Variants in GNB5 observed in about 807,000 individuals in gnomAD.
GNB5 encodes G protein subunit beta 5.
GNB5 carries 37 observed loss-of-function variants against 55.3 expected under a neutral mutation model. The ratio of observed to expected loss-of-function variants is 0.67; its 90% CI spans 0.51 to 0.88. The LOEUF (loss-of-function observed/expected upper bound fraction) is 0.88. GNB5 is among the 40% of genes least tolerant of loss of function. The probability of loss-of-function intolerance (pLI) is 0.00; values close to 1 mark genes in which losing one functional copy is unlikely to be tolerated. For missense variants in GNB5, 476 were observed against 515.3 expected (o/e 0.92, Z 0.74); for synonymous variants, 219 against 198.5 (o/e 1.10, Z -0.87).
At chr15:52,166,615 C>G (rs987417443) in intron 3 of GNB5, among the ~76,000 whole-genome samples, 1 of 152,088 alleles carries the variant, frequency 6.6e-6, no homozygotes, top group Non-Finnish European at 1.5e-5. Flanking sequence ...TGGTAGAAAT[C>G]AAGAAGTTCT....
intron 9 of GNB5, among the ~76,000 whole-genome samples, chr15:52,132,559 C>T (rs1157956123): frequency 6.7e-6 from 1 of 150,060 alleles, no homozygotes; most frequent in Non-Finnish European, 1.5e-5. Context: ...ACCATCTCGG[C>T]TCACTGTAGC....
intron 3 of GNB5, among the ~76,000 whole-genome samples, chr15:52,169,310 G>A (rs146973757): frequency 2.0e-5 from 3 of 146,970 alleles, no homozygotes; most frequent in Non-Finnish European, 3.0e-5. Context: ...ACTGAGGCAG[G>A]CAGATCACCT....
intron 3 of GNB5, among the ~76,000 whole-genome samples, chr15:52,175,965 C>T (rs1172894255): frequency 6.6e-6 from 1 of 152,108 alleles, no homozygotes; most frequent in African/African-American, 2.4e-5. Context: ...AGGAGAACTG[C>T]TTGAACCCAG....
chr15:52,129,985 C>T (rs2033532697), intron 9 of GNB5, among the ~76,000 whole-genome samples: 1 of 152,184 alleles, frequency 6.6e-6, no homozygotes, highest in South Asian at 2.1e-4. Context: ...CCAGATGTGG[C>T]CATGTGATCA....
At chr15:52,125,876 G>C (rs1263899078) in intron 11 of GNB5, 72 bp downstream of exon 11, 2 of 700,642 alleles carry the variant, frequency 2.9e-6, no homozygotes, top group East Asian at 2.7e-5. Flanking sequence ...GGAACTGAGC[G>C]ATGATGGAGC....
At chr15:52,148,543 T>C (rs2034025537) in intron 5 of GNB5, among the ~76,000 whole-genome samples, 1 of 152,184 alleles carries the variant, frequency 6.6e-6, no homozygotes, top group South Asian at 2.1e-4. Flanking sequence ...GAATAAAACC[T>C]CAGGCTCAGA....
intron 5 of GNB5, among the ~76,000 whole-genome samples, 197 bp from the exon 6 acceptor site, chr15:52,147,732 G>A (rs756243496): frequency 6.6e-6 from 1 of 151,972 alleles, no homozygotes; most frequent in Admixed American, 6.6e-5. Context: ...ACAGGCATGC[G>A]CCACCATGCC....
At chr15:52,152,085 A>C (rs1014049029) in intron 4 of GNB5, among the ~76,000 whole-genome samples, 9 of 151,976 alleles carry the variant, frequency 5.9e-5, no homozygotes, top group African/African-American at 2.2e-4. Flanking sequence ...TTGATCTTAA[A>C]AAAAAAGCAA....
chr15:52,149,155 A>G (rs2034039274), intron 5 of GNB5: 1 of 152,344 alleles, frequency 6.6e-6, no homozygotes, highest in Non-Finnish European at 1.5e-5. Context: ...GCTGCTTCCC[A>G]TGACACTGAC....
intron 1 of GNB5, among the ~76,000 whole-genome samples, chr15:52,186,394 C>T (rs894563743): frequency 2.6e-5 from 4 of 152,170 alleles, no homozygotes; most frequent in Admixed American, 1.3e-4. Context: ...TTGGTTTGTG[C>T]TACAGCCTCT....
intron 1 of GNB5, among the ~76,000 whole-genome samples, chr15:52,185,232 C>T (rs939229426): frequency 4.6e-5 from 7 of 152,218 alleles, no homozygotes; most frequent in African/African-American, 1.7e-4. Context: ...AGGAAGTCAA[C>T]AGACAGGCCC....
Position 52,179,685 on chromosome 15 carries a change from C to A in GNB5, c.238+83G>T, listed in dbSNP as rs1288217332. On this transcript the variant is annotated intron_variant, in intron 3 of 12. Coordinates refer to ENST00000261837, the MANE Select transcript of GNB5 (RefSeq NM_016194.4). ...GCCTGGCTCCCGTCGCAGCCACGACCGCCCCCACCGCCCCCGCCGTCCCCG... is the reference window on the plus strand; with the variant it reads ...GCCTGGCTCCCGTCGCAGCCACGACAGCCCCCACCGCCCCCGCCGTCCCCG... The A allele has an allele frequency of 3.6e-6, 3 of 835,326 alleles. No individual in the cohort carries two copies. The African/African-American group carries it at 5.5e-5, about 15-fold the overall frequency. The allele number at this position is 835,326 out of a possible 1,614,324, so 51.7% of individuals were successfully genotyped here.
intron 5 of GNB5, chr15:52,149,577 A>G: frequency 1.7e-6 from 1 of 586,772 alleles, no homozygotes; most frequent in Non-Finnish European, 3.0e-6. Flanking sequence ...CTCAGAAGAC[A>G]AATAGTACAT....
At position 52,115,800 on chromosome 15, in the gene GNB5, T is replaced by A. The variant is rs140764845; in HGVS notation, c.*6957A>T. ...GTGCAATCACCACCATCTAATTCAG[T>A]TCCCCCCGGAGAAACTCAGTGCCCA... On this transcript the variant is annotated 3_prime_UTR_variant, in exon 13 of 13. Transcript: ENST00000261837. 1 of 152,236 alleles carries A rather than the reference T, an allele frequency of 6.6e-6. No homozygotes were observed. Among genetic ancestry groups the A allele is most frequent in the Non-Finnish European group, 1.5e-5 (1 of 68,046 alleles). 9.4% of individuals were successfully genotyped at this position (152,236 alleles called of 1,614,324 possible). A position where few individuals can be genotyped will look rare whatever the true frequency, so the allele number is the denominator to read the frequency against.
intron 2 of GNB5, among the ~76,000 whole-genome samples, chr15:52,181,899 A>G (rs901299189): frequency 2.0e-5 from 3 of 150,242 alleles, no homozygotes; most frequent in African/African-American, 7.3e-5. Flanking sequence ...ATATAAACAT[A>G]TAACAAACAT....
In GNB5 at chr15:52,117,102, A is replaced by ATATATATATATATATATATTTTTTTT; in HGVS notation, c.*5654_*5655insAAAAAAAATATATATATATATATATA. 2.3e-5 allele frequency: 2 copies of ATATATATATATATATATATTTTTTTT among 87,098 alleles called. No individual in the cohort carries two copies. The highest frequency in any genetic ancestry group is 6.1e-5 in the African/African-American group (1 of 16,446). 5.4% of individuals were successfully genotyped at this position (87,098 alleles called of 1,614,324 possible). The stretch of plus-strand genomic sequence containing the variant: ...CCACGCCCAGCTAATATATATATAT[A>ATATATATATATATATATATTTTTTTT]TTTTTTTTTAGTACAGACAGGGTTT... On this transcript the variant is annotated 3_prime_UTR_variant, in exon 13 of 13. Transcript: ENST00000261837.
At chr15:52,176,284 A>C (rs1045084550) in intron 3 of GNB5, among the ~76,000 whole-genome samples, 2 of 152,074 alleles carry the variant, frequency 1.3e-5, no homozygotes, top group Non-Finnish European at 2.9e-5. Context: ...CCTAAACTGA[A>C]TCCTGGCCCA....
chr15:52,166,423 A>G (rs1362420421), intron 3 of GNB5, among the ~76,000 whole-genome samples: 5 of 152,244 alleles, frequency 3.3e-5, no homozygotes, highest in African/African-American at 9.6e-5. Context: ...TCTAAAATTG[A>G]TCACATAATT....
chr15:52,136,588 G>A (rs1596064703), intron 7 of GNB5, among the ~76,000 whole-genome samples: 1 of 152,172 alleles, frequency 6.6e-6, no homozygotes, highest in East Asian at 1.9e-4. Context: ...CATCTTGTTG[G>A]ACATTCTCTG....
Sources: allele counts gnomAD v4.1 joint callset (sites outside exome capture counted in the v4.1 genomes callset), GRCh38; gene constraint gnomAD v4.1.1; transcripts MANE v1.5; gene names NCBI Gene and HGNC (gene_info 2026-07-23, HGNC 2026-07-21).